PDPN: variants seen among roughly 807,000 people sequenced by gnomAD.
PDPN encodes podoplanin, also known as PA2.26 antigen.
Under a neutral mutation model 23.2 loss-of-function variants are expected in PDPN, and 12 were observed. That is an observed-to-expected ratio of 0.52 (90% CI 0.33 to 0.84). The LOEUF is 0.84. Among genes scored for constraint, PDPN ranks in the 40% least tolerant of loss-of-function variants. The pLI, the probability that PDPN is intolerant of heterozygous loss-of-function variation, is 0.02. For synonymous variants in PDPN, 77 were observed against 76.7 expected (o/e 1.00, Z -0.02); for missense variants, 199 against 212.2 (o/e 0.94, Z 0.39).
chr1:13,601,112 A>G (rs1570036318), intron 1 of PDPN, among the ~76,000 whole-genome samples: 3 of 152,336 alleles, frequency 2.0e-5, no homozygotes. Context: ...ACCTGTTTGA[A>G]TACTTACTTT....
At chr1:13,594,511 G>T (rs949341378) in intron 1 of PDPN, among the ~76,000 whole-genome samples, 3 of 152,212 alleles carry the variant, frequency 2.0e-5, no homozygotes, top group African/African-American at 7.2e-5. Flanking sequence ...AGCTGGTCAA[G>T]AGTATTCAGT....
At chr1:13,595,166 C>A (rs747897089) in intron 1 of PDPN, among the ~76,000 whole-genome samples, 1 of 152,158 alleles carries the variant, frequency 6.6e-6, no homozygotes, top group Non-Finnish European at 1.5e-5. Context: ...GATTTCAGTT[C>A]TTTCCCTCTT....
chr1:13,590,325 G>T (rs1007896012), intron 1 of PDPN, among the ~76,000 whole-genome samples: 1 of 152,216 alleles, frequency 6.6e-6, no homozygotes, highest in Admixed American at 6.5e-5. Flanking sequence ...AGCTTGCAAA[G>T]AGAGGCAAGA....
At chr1:13,595,320 C>T (rs1022839354) in intron 1 of PDPN, among the ~76,000 whole-genome samples, 1 of 152,172 alleles carries the variant, frequency 6.6e-6, no homozygotes, top group Non-Finnish European at 1.5e-5. Context: ...TAATGTGACT[C>T]CTTGCTATTG....
At chr1:13,597,079 T>C (rs10927907) in intron 1 of PDPN, among the ~76,000 whole-genome samples, 28,422 of 152,156 alleles carry the variant, frequency 0.19, 3,376 homozygotes, top group African/African-American at 0.34. Flanking sequence ...TCGGTGTTTT[T>C]GTTTTCAAAT....
chr1:13,594,982 G>A (rs1020492175), intron 1 of PDPN, among the ~76,000 whole-genome samples: 6 of 146,922 alleles, frequency 4.1e-5, no homozygotes, highest in Admixed American at 6.9e-5. Flanking sequence ...GCGACAGAGC[G>A]AGACTCCTTC....
chr1:13,597,466 T>C (rs1484428483), intron 1 of PDPN, among the ~76,000 whole-genome samples: 1 of 152,218 alleles, frequency 6.6e-6, no homozygotes, highest in Admixed American at 6.5e-5. Flanking sequence ...GATAAAATGC[T>C]GTAGAAACGG....
chr1:13,596,338 C>T (rs1003147276), intron 1 of PDPN, among the ~76,000 whole-genome samples: 9 of 152,264 alleles, frequency 5.9e-5, no homozygotes, highest in Middle Eastern at 3.4e-3. Context: ...GCGCTATGTA[C>T]GCCTGGAGGA....
intron 1 of PDPN, among the ~76,000 whole-genome samples, chr1:13,591,672 A>G (rs1395588653): frequency 6.6e-6 from 1 of 152,208 alleles, no homozygotes; most frequent in Non-Finnish European, 1.5e-5. Context: ...TCCATGTTAT[A>G]GCATGCACCA....
At position 13,606,427 on chromosome 1, in the gene PDPN, C is replaced by T. The variant is rs184824326; in HGVS notation, c.68-746C>T. Among the ~76,000 whole-genome samples the T allele has an allele frequency of 3.3e-4, 51 of 152,262 alleles. No homozygotes were observed. The East Asian group carries it at 7.7e-3, about 23-fold the overall frequency. ...AAGAGGTAAAACTCCATGTAATCTACGAGGTCTGTGGTCAGAGCCTGTGGT... is the reference window on the plus strand; with the variant it reads ...AAGAGGTAAAACTCCATGTAATCTATGAGGTCTGTGGTCAGAGCCTGTGGT... On this transcript the variant is annotated intron_variant, in intron 1 of 5. Transcript: ENST00000621990.
chr1:13,614,739 A>T (rs2100290540), intron 5 of PDPN: 1 of 460,658 alleles, frequency 2.2e-6, no homozygotes, highest in East Asian at 6.2e-5. Context: ...GTGAGCTATG[A>T]TTGTGCCACT....
intron 1 of PDPN, among the ~76,000 whole-genome samples, chr1:13,603,979 G>A (rs756574745): frequency 2.0e-5 from 3 of 152,216 alleles, no homozygotes; most frequent in Non-Finnish European, 4.4e-5. Context: ...ACTGAGCCGT[G>A]TTTGGCTGAG....
intron 1 of PDPN, among the ~76,000 whole-genome samples, chr1:13,596,622 A>G (rs1032272925): frequency 2.6e-5 from 4 of 152,144 alleles, no homozygotes; most frequent in Non-Finnish European, 4.4e-5. Context: ...TTCAGAGGTT[A>G]GTGGTTGCAT....
At chr1:13,589,324 A>C (rs1425019148) in intron 1 of PDPN, among the ~76,000 whole-genome samples, 3 of 152,192 alleles carry the variant, frequency 2.0e-5, no homozygotes, top group Non-Finnish European at 2.9e-5. Flanking sequence ...TCCTGTTCTA[A>C]ATAAACTATT....
chr1:13,600,006 C>T (rs181127727), intron 1 of PDPN, among the ~76,000 whole-genome samples: 32 of 152,276 alleles, frequency 2.1e-4, no homozygotes, highest in South Asian at 1.0e-3. Flanking sequence ...AGTTTAGATT[C>T]GTCCAGATTT....
At chr1:13,601,062 A>C (rs544634433) in intron 1 of PDPN, among the ~76,000 whole-genome samples, 1 of 152,334 alleles carries the variant, frequency 6.6e-6, no homozygotes, top group East Asian at 1.9e-4. Context: ...TGGAATTTAC[A>C]ATGCTGCGTC....
At chr1:13,608,632 A>C (rs953326162) in intron 2 of PDPN, among the ~76,000 whole-genome samples, 2 of 152,112 alleles carry the variant, frequency 1.3e-5, no homozygotes, top group Non-Finnish European at 2.9e-5. Context: ...TAAAGCTCAG[A>C]GTCGCAGAGA....
At chr1:13,594,725 G>T (rs1298510645) in intron 1 of PDPN, among the ~76,000 whole-genome samples, 3 of 152,040 alleles carry the variant, frequency 2.0e-5, no homozygotes, top group Non-Finnish European at 4.4e-5. Flanking sequence ...GGTGGCTTAC[G>T]CCTCTAATCC....
chr1:13,587,351 C>A (rs796799967), intron 1 of PDPN, among the ~76,000 whole-genome samples: 75 of 152,302 alleles, frequency 4.9e-4, no homozygotes, highest in African/African-American at 1.8e-3. Context: ...GTGTGCCCTG[C>A]AGTCCTCACC....
Sources: allele counts gnomAD v4.1 joint callset (sites outside exome capture counted in the v4.1 genomes callset), GRCh38; gene constraint gnomAD v4.1.1; transcripts MANE v1.5; gene names NCBI Gene and HGNC (gene_info 2026-07-23, HGNC 2026-07-21).